SLC25A27: variants seen among roughly 807,000 people sequenced by gnomAD.
The protein encoded by SLC25A27 is mitochondrial uncoupling protein 4.
SLC25A27 carries 35 observed loss-of-function variants against 49.1 expected under a neutral mutation model. The observed-to-expected ratio is 0.71, with a 90% CI of 0.54 to 0.95. The LOEUF (loss-of-function observed/expected upper bound fraction) is 0.95, where lower values mean the gene tolerates loss of function less well. SLC25A27 is among the 40% of genes least tolerant of loss of function. SLC25A27 has a pLI of 0.00. For synonymous variants in SLC25A27, 144 were observed against 136.9 expected, an observed-to-expected ratio of 1.05 and a Z score of -0.36; for missense variants, 339 against 397.1, an observed-to-expected ratio of 0.85 and a Z score of 1.24.
At chr6:46,656,192 T>G (rs1362703770) in intron 2 of SLC25A27, among the ~76,000 whole-genome samples, 158 bp downstream of exon 2, 2 of 152,078 alleles carry the variant, frequency 1.3e-5, no homozygotes, top group African/African-American at 2.4e-5. Flanking sequence ...ATTTAGGTTT[T>G]TTTTTTGAGA....
chr6:46,673,293 T>C lies in SLC25A27; in HGVS notation c.900+2065T>C, dbSNP rs1763625977. ...CAACAATCTGTGCAGCAGGTTACTA[T>C]CATATCCCTCTTTTATAGAGAAGGA... is the stretch of plus-strand genomic sequence containing the variant. On this transcript the variant is annotated intron_variant, in intron 8 of 8. Transcript: ENST00000371347. Among the ~76,000 whole-genome samples the C allele has an allele frequency of 2.6e-5, 4 of 152,354 alleles. No homozygotes were observed. In the South Asian group the frequency reaches 8.3e-4, roughly 32 times the overall value.
At chr6:46,655,411 C>G (rs1390042041) in intron 1 of SLC25A27, among the ~76,000 whole-genome samples, 1 of 151,746 alleles carries the variant, frequency 6.6e-6, no homozygotes, top group African/African-American at 2.4e-5. Context: ...GGATAGCACA[C>G]AATATGGTAC....
rs140239994 is a variant in SLC25A27, at chr6:46,670,015, A to G, written c.705-120A>G. The stretch of plus-strand genomic sequence containing the variant: ...TTTAGCATTAATTTTAAGCAAAAAG[A>G]GCATTATGAAGCTTGTAAGAATATA... On this transcript the variant is annotated intron_variant, in intron 6 of 8. Coordinates refer to ENST00000371347, the MANE Select transcript of SLC25A27 (RefSeq NM_004277.5). 7.5e-4 allele frequency: 425 copies of G among 564,558 alleles called. 1 individual carries two copies. Among genetic ancestry groups the G allele is most frequent in the African/African-American group, 7.5e-3 (384 of 51,014 alleles). The allele number at this position is 564,558 out of a possible 1,614,324, so 35.0% of individuals were successfully genotyped here.
intron 7 of SLC25A27, among the ~76,000 whole-genome samples, chr6:46,670,746 A>AT (rs1415083885): frequency 4.0e-5 from 6 of 151,716 alleles, no homozygotes; most frequent in African/African-American, 1.2e-4. Context: ...TTATTTATTT[A>AT]TTTTTTTTGA....
intron 5 of SLC25A27, among the ~76,000 whole-genome samples, chr6:46,667,016 A>C (rs1582508324): frequency 6.6e-6 from 1 of 152,284 alleles, no homozygotes; most frequent in East Asian, 1.9e-4. Flanking sequence ...GGACCACTAC[A>C]GAGGCCTTCT....
rs908762446 is a variant in SLC25A27 at position 46,653,359 on chromosome 6, G to T, written c.106+61G>T. ...GTGGCACGCGCCGCGCTGGGGGAGG[G>T]TGCGCGGGCGGCTTCGCGCCCGGCA... On this transcript the variant is annotated intron_variant, in intron 1 of 8. Coordinates refer to ENST00000371347, the MANE Select transcript of SLC25A27 (RefSeq NM_004277.5). The T allele has an allele frequency of 5.9e-5, 91 of 1,529,546 alleles. 1 individual carries two copies. The South Asian group carries it at 1.1e-3, about 18-fold the overall frequency. The allele number at this position is 1,529,546 out of a possible 1,614,324, so 94.7% of individuals were successfully genotyped here. A position where few individuals can be genotyped will look rare whatever the true frequency, so the allele number is the denominator to read the frequency against.
chr6:46,669,783 A>G (rs1280953852), intron 6 of SLC25A27, among the ~76,000 whole-genome samples: 1 of 151,618 alleles, frequency 6.6e-6, no homozygotes, highest in Non-Finnish European at 1.5e-5. Context: ...TCCCTGTCAC[A>G]CTTCCCCATG....
Position 46,662,511 on chromosome 6 carries a change from A to G in SLC25A27, c.506+13A>G, listed in dbSNP as rs1422172283. On this transcript the variant is annotated intron_variant, in intron 4 of 8. Coordinates refer to ENST00000371347, the MANE Select transcript of SLC25A27 (RefSeq NM_004277.5). Reference sequence around the variant, plus strand: ...GAAAACCATTGCGGTAAGTTCTCCAATTAACCAATACCTCTCTTTTTCCCT... The same window carrying G: ...GAAAACCATTGCGGTAAGTTCTCCAGTTAACCAATACCTCTCTTTTTCCCT... The G allele has an allele frequency of 6.2e-7, 1 of 1,613,104 alleles. No homozygotes were observed. The highest frequency in any genetic ancestry group is 2.2e-5 in the East Asian group (1 of 44,840).
At chr6:46,666,597 T>C (rs1230477251) in intron 5 of SLC25A27, among the ~76,000 whole-genome samples, 3 of 152,192 alleles carry the variant, frequency 2.0e-5, no homozygotes, top group Non-Finnish European at 4.4e-5. Flanking sequence ...TGTACTTTCT[T>C]AATTCATTGG....
chr6:46,670,361 T>A (rs1037713292), intron 7 of SLC25A27, 134 bp downstream of exon 7: 10 of 628,460 alleles, frequency 1.6e-5, no homozygotes, highest in East Asian at 6.0e-5. Context: ...GCATTTTTTT[T>A]ATGCAATTAC....
chr6:46,653,186 CTGCTGAA>C lies in SLC25A27; in HGVS notation c.-4_3del. 1 of 1,611,978 alleles carries C rather than the reference CTGCTGAA, an allele frequency of 6.2e-7. No individual in the cohort carries two copies. The highest frequency in any genetic ancestry group is 8.5e-7 in the Non-Finnish European group (1 of 1,178,750). ...AGGAGTGCGTTATCGTCTTGCGCTA[CTGCTGAA>C]TGTCCGTCCCGGAGGAGGAGGAGAG... On this transcript the variant is annotated start_lost and 5_prime_UTR_variant, in exon 1 of 9. Transcript: ENST00000371347.
chr6:46,667,057 A>C (rs868484126), intron 5 of SLC25A27, among the ~76,000 whole-genome samples: 7 of 151,802 alleles, frequency 4.6e-5, no homozygotes, highest in African/African-American at 1.7e-4. Flanking sequence ...CCCCATTCCC[A>C]TTTTGCCCCA....
At chr6:46,663,253 A>C (rs960699574) in intron 4 of SLC25A27, among the ~76,000 whole-genome samples, 1 of 152,142 alleles carries the variant, frequency 6.6e-6, no homozygotes, top group Non-Finnish European at 1.5e-5. Context: ...AGCTGAGTAC[A>C]AAGGGAGCTG....
chr6:46,659,480 AGT>A (rs1481245743), intron 3 of SLC25A27, among the ~76,000 whole-genome samples: 2 of 152,206 alleles, frequency 1.3e-5, no homozygotes, highest in African/African-American at 4.8e-5. Context: ...GATGAATGTA[AGT>A]GTATATTATT....
At chr6:46,667,253 C>G (rs1342697718) in intron 5 of SLC25A27, among the ~76,000 whole-genome samples, 4 of 152,100 alleles carry the variant, frequency 2.6e-5, no homozygotes, top group Non-Finnish European at 4.4e-5. Context: ...GCTGGCTGAT[C>G]CTGTTGATTC....
At chr6:46,668,214 T>C (rs1394785360) in intron 5 of SLC25A27, among the ~76,000 whole-genome samples, 1 of 152,124 alleles carries the variant, frequency 6.6e-6, no homozygotes, top group Non-Finnish European at 1.5e-5. Flanking sequence ...GATGCACACC[T>C]GTAATCCTAG....
Position 46,653,012 on chromosome 6 carries a change from C to T in SLC25A27, c.-181C>T, listed in dbSNP as rs1762804408. The T allele has an allele frequency of 6.5e-6, 4 of 615,576 alleles. No individual in the cohort carries two copies. Among genetic ancestry groups the T allele is most frequent in the Admixed American group, 5.8e-5 (2 of 34,278 alleles). The allele number at this position is 615,576 out of a possible 1,614,324, so 38.1% of individuals were successfully genotyped here. The stretch of plus-strand genomic sequence containing the variant: ...TCTGGGGTGTAAGGGGCAGCTGGAC[C>T]ACTCCAGCTGGGACTGCTAGGAAGG... On this transcript the variant is annotated 5_prime_UTR_variant, in exon 1 of 9. Coordinates refer to ENST00000371347, the MANE Select transcript of SLC25A27 (RefSeq NM_004277.5).
intron 3 of SLC25A27, among the ~76,000 whole-genome samples, chr6:46,660,547 G>C (rs1237753011): frequency 1.3e-5 from 2 of 152,154 alleles, no homozygotes; most frequent in East Asian, 3.9e-4. Context: ...GACTGTAGCA[G>C]TGTTGATGAT....
intron 5 of SLC25A27, among the ~76,000 whole-genome samples, chr6:46,667,367 A>G (rs1763359357): frequency 6.6e-6 from 1 of 152,036 alleles, no homozygotes; most frequent in South Asian, 2.1e-4. Context: ...CCTGTAGTCT[A>G]CTCTTAATAG....
Sources: allele counts gnomAD v4.1 joint callset (sites outside exome capture counted in the v4.1 genomes callset), GRCh38; gene constraint gnomAD v4.1.1; transcripts MANE v1.5; gene names NCBI Gene and HGNC (gene_info 2026-07-23, HGNC 2026-07-21).